Variants in ESR1 observed in about 807,000 individuals in gnomAD.
ESR1 encodes estrogen receptor 1.
A neutral mutation model predicts 52.7 loss-of-function variants in ESR1; 12 were observed. The ratio of observed to expected loss-of-function variants is 0.23; its 90% confidence interval spans 0.15 to 0.37. The LOEUF (loss-of-function observed/expected upper bound fraction) is 0.37. ESR1 is among the 10% of genes least tolerant of loss of function. The pLI is 1.00. For missense variants in ESR1, 584 were observed against 779.7 expected, an observed-to-expected ratio of 0.75 and a Z score of 2.99; for synonymous variants, 305 against 316.8, an observed-to-expected ratio of 0.96 and a Z score of 0.39.
intron 2 of ESR1, among the ~76,000 whole-genome samples, chr6:151,722,309 T>C (rs1408017813): frequency 6.6e-6 from 1 of 152,190 alleles, no homozygotes; most frequent in Non-Finnish European, 1.5e-5. Flanking sequence ...AGACAGCCAT[T>C]AGAAGTCCTT....
At chr6:152,017,756 A>G (rs989579190) in intron 5 of ESR1, among the ~76,000 whole-genome samples, 1 of 152,018 alleles carries the variant, frequency 6.6e-6, no homozygotes, top group Admixed American at 6.6e-5. Context: ...TTTCAAAGAG[A>G]TGTTAGAGAT....
Position 151,892,858 on chromosome 6 carries a change from T to A in ESR1, c.760+12087T>A, listed in dbSNP as rs1467834145. 9.2e-5 allele frequency among the ~76,000 whole-genome samples: 14 copies of A among 152,248 alleles called. 1 individual carries two copies. In the South Asian group the frequency reaches 2.3e-3, roughly 25 times the overall value. ...AAATATATGTCAGCCTTAAGAGACA[T>A]CCTATGATGAAGAGCAGAGGGAGTT... On this transcript the variant is annotated intron_variant, in intron 3 of 7. Coordinates refer to ENST00000206249, the MANE Select transcript of ESR1 (RefSeq NM_000125.4).
intron 5 of ESR1, among the ~76,000 whole-genome samples, chr6:152,034,512 A>G (rs1423843041): frequency 6.7e-6 from 1 of 148,648 alleles, no homozygotes; most frequent in Non-Finnish European, 1.5e-5. Context: ...CCTTATAATT[A>G]AGTCTATGTT....
At chr6:151,760,935 G>GA (rs1389070870) in intron 2 of ESR1, among the ~76,000 whole-genome samples, 16 of 152,170 alleles carry the variant, frequency 1.1e-4, no homozygotes, top group South Asian at 2.1e-4. Context: ...TGGAATATTG[G>GA]AAAATATTTT....
At chr6:151,737,665 G>C (rs991127436) in intron 2 of ESR1, among the ~76,000 whole-genome samples, 3 of 151,964 alleles carry the variant, frequency 2.0e-5, no homozygotes, top group Non-Finnish European at 4.4e-5. Flanking sequence ...CTCAGGAGGC[G>C]ACCACTGTTA....
intron 1 of ESR1, among the ~76,000 whole-genome samples, chr6:151,666,685 C>T (rs1402015027): frequency 3.3e-5 from 5 of 150,028 alleles, no homozygotes; most frequent in African/African-American, 4.9e-5. Context: ...ATTGGTGCCT[C>T]TTCCCCATCC....
chr6:151,792,420 AT>A (rs972424937), intron 2 of ESR1, among the ~76,000 whole-genome samples: 47 of 147,294 alleles, frequency 3.2e-4, no homozygotes, highest in East Asian at 3.9e-4. Context: ...AGCTTACTGT[AT>A]TTTTTTTTTT....
rs9341079 is a variant in ESR1, at chr6:152,102,463, A to G, written c.*3497A>G. The stretch of plus-strand genomic sequence containing the variant: ...TGAAAGGCAAATAGAGTCATACAGT[A>G]GCTCAAAAGGCAACCATAATTCTCT... On this transcript the variant is annotated 3_prime_UTR_variant, in exon 8 of 8. Transcript: ENST00000206249. 8 of 209,048 alleles carry G rather than the reference A, an allele frequency of 3.8e-5. No individual in the cohort carries two copies. The highest frequency in any genetic ancestry group is 5.8e-5 in the Non-Finnish European group (6 of 102,622). The allele number at this position is 209,048 out of a possible 1,614,324, so 12.9% of individuals were successfully genotyped here.
chr6:152,025,193 G>A (rs1192989195), intron 5 of ESR1, among the ~76,000 whole-genome samples: 1 of 139,982 alleles, frequency 7.1e-6, no homozygotes, highest in Non-Finnish European at 1.5e-5. Context: ...TTTGTGTGTA[G>A]TCTTCATCAC....
At chr6:151,678,898 G>A (rs1056892439) in intron 1 of ESR1, among the ~76,000 whole-genome samples, 1 of 152,016 alleles carries the variant, frequency 6.6e-6, no homozygotes, top group South Asian at 2.1e-4. Flanking sequence ...TGTTGACCAG[G>A]ATGGTCTTGA....
At chr6:151,813,589 T>G (rs1779163385) in intron 1 of ESR1, 2 of 152,210 alleles carry the variant, frequency 1.3e-5, no homozygotes, top group African/African-American at 2.4e-5. Context: ...AGAAACTTAT[T>G]AAGTACCTAT....
At chr6:152,032,609 A>G (rs1201606838) in intron 5 of ESR1, among the ~76,000 whole-genome samples, 1 of 152,184 alleles carries the variant, frequency 6.6e-6, no homozygotes, top group African/African-American at 2.4e-5. Flanking sequence ...CTTCAAGGAG[A>G]ACTACAAACC....
At chr6:151,717,030 A>G (rs1167186802) in intron 2 of ESR1, among the ~76,000 whole-genome samples, 4 of 152,200 alleles carry the variant, frequency 2.6e-5, no homozygotes, top group Non-Finnish European at 4.4e-5. Flanking sequence ...TTCAAAGACC[A>G]TGGGAAAAGT....
At chr6:151,910,297 A>G (rs1468155141) in intron 3 of ESR1, among the ~76,000 whole-genome samples, 1 of 152,128 alleles carries the variant, frequency 6.6e-6, no homozygotes, top group Non-Finnish European at 1.5e-5. Context: ...TGGTTACTGG[A>G]TTGAACCGAA....
chr6:151,975,362 G>GT (rs967555806), intron 4 of ESR1, among the ~76,000 whole-genome samples: 89 of 148,942 alleles, frequency 6.0e-4, no homozygotes, highest in African/African-American at 1.3e-3. Flanking sequence ...CCCTTAGCTT[G>GT]TTTTTTTTTT....
At chr6:152,123,512 A>G (rs951627452) in intron 6 of ESR1, among the ~76,000 whole-genome samples, 1 of 152,206 alleles carries the variant, frequency 6.6e-6, no homozygotes, top group African/African-American at 2.4e-5. Flanking sequence ...CAGGTTTCAG[A>G]ACTCTTAAGA....
intron 5 of ESR1, among the ~76,000 whole-genome samples, chr6:152,022,700 A>G (rs2043775731): frequency 6.6e-6 from 1 of 152,128 alleles, no homozygotes; most frequent in Non-Finnish European, 1.5e-5. Context: ...GGCCGGGTGC[A>G]GTGGCTTACG....
At chr6:151,703,685 G>A (rs896186076) in intron 2 of ESR1, among the ~76,000 whole-genome samples, 2 of 152,186 alleles carry the variant, frequency 1.3e-5, no homozygotes, top group Non-Finnish European at 2.9e-5. Flanking sequence ...TCTTCCATCT[G>A]GCTGAGGCTG....
At chr6:151,718,263 C>G (rs1235082307) in intron 2 of ESR1, among the ~76,000 whole-genome samples, 1 of 152,160 alleles carries the variant, frequency 6.6e-6, no homozygotes, top group East Asian at 1.9e-4. Context: ...AGGAAGTCAA[C>G]TACATCTGGA....
Sources: gnomAD v4.1 joint callset for allele counts (sites outside exome capture counted in the v4.1 genomes callset) on GRCh38, gnomAD v4.1.1 for gene constraint, MANE v1.5 for transcripts, NCBI Gene and HGNC (gene_info 2026-07-23, HGNC 2026-07-21) for gene names.